MDGA2: variants seen among roughly 807,000 people sequenced by gnomAD.
MDGA2 encodes MAM domain-containing glycosylphosphatidylinositol anchor protein 2.
MDGA2 carries 40 observed loss-of-function variants against 117.8 expected under a neutral mutation model. The observed-to-expected ratio is 0.34, with a 90% CI of 0.26 to 0.44. MDGA2 has a LOEUF of 0.44. Among genes scored for constraint, MDGA2 ranks in the 20% least tolerant of loss-of-function variants. The pLI, the probability that MDGA2 is intolerant of heterozygous loss-of-function variation, is 1.00. For synonymous variants in MDGA2, 452 were observed against 439.0 expected (o/e 1.03, Z -0.37); for missense variants, 1,123 against 1,250.6 (o/e 0.90, Z 1.54).
chr14:46,858,403 CTTTTCT>C (rs146588816), intron 14 of MDGA2, among the ~76,000 whole-genome samples: 43,334 of 144,296 alleles, frequency 0.3, 6,865 homozygotes, highest in South Asian at 0.51. Flanking sequence ...TACTTTTTTT[CTTTTCT>C]TTTTCTTTTT....
At chr14:47,075,304 ATTGCTGTCTTCCTGAGC>A (rs1890450602) in intron 6 of MDGA2, among the ~76,000 whole-genome samples, 1 of 152,172 alleles carries the variant, frequency 6.6e-6, no homozygotes, top group Non-Finnish European at 1.5e-5. Flanking sequence ...GGTACTTCAT[ATTGCTGTCTTCCTGAGC>A]ACCCTCACTT....
At chr14:47,225,396 G>A (rs1039743381) in intron 2 of MDGA2, among the ~76,000 whole-genome samples, 1 of 151,732 alleles carries the variant, frequency 6.6e-6, no homozygotes, top group Admixed American at 6.6e-5. Context: ...CAATAGCAAA[G>A]ACTTGGAACC....
chr14:46,944,058 T>C (rs1008627329), intron 9 of MDGA2, among the ~76,000 whole-genome samples: 14 of 152,062 alleles, frequency 9.2e-5, no homozygotes, highest in African/African-American at 2.9e-4. Flanking sequence ...TTATTTACTA[T>C]ACCTAATCCT....
At chr14:47,496,787 A>G (rs556040224) in intron 1 of MDGA2, among the ~76,000 whole-genome samples, 1 of 150,882 alleles carries the variant, frequency 6.6e-6, no homozygotes, top group South Asian at 2.1e-4. Context: ...TATATAATAT[A>G]TTATACATAT....
chr14:47,308,774 C>T (rs972856078), intron 1 of MDGA2, among the ~76,000 whole-genome samples: 3 of 152,100 alleles, frequency 2.0e-5, no homozygotes, highest in Non-Finnish European at 2.9e-5. Flanking sequence ...ACATTCACAG[C>T]CATCCTTGGC....
At chr14:47,015,229 C>A (rs1888039500) in intron 8 of MDGA2, among the ~76,000 whole-genome samples, 1 of 151,470 alleles carries the variant, frequency 6.6e-6, no homozygotes, top group African/African-American at 2.4e-5. Context: ...GCTCACAGAT[C>A]ACCATTACAG....
chr14:47,234,010 C>T (rs1195467694), intron 2 of MDGA2, among the ~76,000 whole-genome samples: 4 of 152,026 alleles, frequency 2.6e-5, no homozygotes, highest in South Asian at 2.1e-4. Context: ...AAAATGTTTT[C>T]GTCTACCTGG....
At chr14:47,342,759 G>C (rs1484688431) in intron 1 of MDGA2, among the ~76,000 whole-genome samples, 1 of 152,114 alleles carries the variant, frequency 6.6e-6, no homozygotes, top group East Asian at 1.9e-4. Flanking sequence ...TCTTAGAGGA[G>C]ATAAATTGTC....
rs542064346 is a variant in MDGA2 at position 47,576,469 on chromosome 14, A to G, written c.280+98048T>C. Among the ~76,000 whole-genome samples the G allele has an allele frequency of 8.5e-5, 13 of 152,240 alleles. No homozygotes were observed. The East Asian group carries it at 2.3e-3, about 27-fold the overall frequency. ...GGTATGCATGATGGTGCAAATGTCAAATCAATCATTATAAAAACAAACAGC... is the reference window on the plus strand; with the variant it reads ...GGTATGCATGATGGTGCAAATGTCAGATCAATCATTATAAAAACAAACAGC... On this transcript the variant is annotated intron_variant, in intron 1 of 16. Coordinates refer to ENST00000399232, the MANE Select transcript of MDGA2 (RefSeq NM_001113498.3).
intron 3 of MDGA2, among the ~76,000 whole-genome samples, chr14:47,158,033 A>G (rs968778496): frequency 7.9e-5 from 12 of 152,046 alleles, no homozygotes; most frequent in Non-Finnish European, 1.2e-4. Flanking sequence ...ACACACACAT[A>G]CATTATACAT....
chr14:47,167,188 G>C (rs1005563247), intron 3 of MDGA2, among the ~76,000 whole-genome samples: 11 of 151,528 alleles, frequency 7.3e-5, no homozygotes, highest in Admixed American at 2.6e-4. Context: ...TTTTGGTCCA[G>C]ACTATTATTG....
At chr14:46,987,819 C>T (rs1886917907) in intron 8 of MDGA2, among the ~76,000 whole-genome samples, 1 of 150,500 alleles carries the variant, frequency 6.6e-6, no homozygotes, top group South Asian at 2.1e-4. Context: ...TAATATAAAA[C>T]TGTTAAGGGC....
chr14:46,852,621 A>T (rs1436701337), intron 15 of MDGA2, among the ~76,000 whole-genome samples: 8 of 152,006 alleles, frequency 5.3e-5, no homozygotes, highest in Admixed American at 2.6e-4. Flanking sequence ...AGAGGGGTGA[A>T]TTTGAGTTAA....
At chr14:47,376,916 G>T (rs772278332) in intron 1 of MDGA2, among the ~76,000 whole-genome samples, 3 of 152,132 alleles carry the variant, frequency 2.0e-5, no homozygotes, top group Non-Finnish European at 4.4e-5. Context: ...AGATTGACAT[G>T]CTATCTACTC....
intron 1 of MDGA2, among the ~76,000 whole-genome samples, chr14:47,545,022 T>G (rs1490107358): frequency 1.3e-5 from 2 of 152,210 alleles, no homozygotes; most frequent in Non-Finnish European, 2.9e-5. Context: ...TGATTTTAAT[T>G]TTTTAAGAAA....
intron 5 of MDGA2, among the ~76,000 whole-genome samples, chr14:47,110,477 C>A (rs1205118436): frequency 6.6e-6 from 1 of 152,024 alleles, no homozygotes; most frequent in Non-Finnish European, 1.5e-5. Flanking sequence ...CATTTTGTAC[C>A]ATATGGAAAG....
chr14:47,368,049 G>A (rs1020396428), intron 1 of MDGA2, among the ~76,000 whole-genome samples: 13 of 152,114 alleles, frequency 8.5e-5, no homozygotes, highest in African/African-American at 2.9e-4. Flanking sequence ...GGAGGCTGAG[G>A]AGGGTGGATC....
chr14:47,433,178 C>T (rs1002886381), intron 1 of MDGA2, among the ~76,000 whole-genome samples: 3 of 152,038 alleles, frequency 2.0e-5, no homozygotes, highest in South Asian at 4.1e-4. Context: ...ATAAGATGGT[C>T]ACAACCACAG....
intron 1 of MDGA2, among the ~76,000 whole-genome samples, chr14:47,565,291 A>ATTTTG (rs1320143702): frequency 6.6e-6 from 1 of 151,592 alleles, no homozygotes; most frequent in Non-Finnish European, 1.5e-5. Context: ...TGTTGTTGTT[A>ATTTTG]TTTTGTTTTG....
Sources: allele counts gnomAD v4.1 joint callset (sites outside exome capture counted in the v4.1 genomes callset), GRCh38; gene constraint gnomAD v4.1.1; transcripts MANE v1.5; gene names NCBI Gene and HGNC (gene_info 2026-07-23, HGNC 2026-07-21).